Variants in NOP9 observed in about 807,000 individuals in gnomAD.
NOP9 encodes the protein NOP9 nucleolar protein.
Under a neutral mutation model 63.0 loss-of-function variants are expected in NOP9, and 50 were observed. That is an observed-to-expected ratio of 0.79 (90% confidence interval 0.63 to 1.00). The LOEUF (loss-of-function observed/expected upper bound fraction) is 1.00. Ranked by LOEUF, NOP9 falls within the 50% of genes least tolerant of loss-of-function variation. The pLI, the probability that NOP9 is intolerant of heterozygous loss-of-function variation, is 0.00. For synonymous variants in NOP9, 343 were observed against 332.8 expected (o/e 1.03, Z -0.33); for missense variants, 758 against 803.0 (o/e 0.94, Z 0.68).
At chr14:24,272,616 G>A in the NOP9 span, among the ~76,000 whole-genome samples, 1 of 152,146 alleles carries the variant, frequency 6.6e-6, no homozygotes, top group Non-Finnish European at 1.5e-5. Flanking sequence ...CAGATTTGAC[G>A]TCATATCTGT....
At chr14:24,296,365 G>A (rs924469242), upstream of NOP9, 4 of 778,544 alleles carry the variant, frequency 5.1e-6, no homozygotes, top group Admixed American at 6.9e-5. Context: ...CTTCTCCAGA[G>A]GTAAGTGGGA....
At chr14:24,293,967 C>T in the NOP9 span, 5 of 152,164 alleles carry the variant, frequency 3.3e-5, no homozygotes, top group South Asian at 4.1e-4. Context: ...CAATGTATTA[C>T]GAAAGGAACC....
At position 24,302,012 on chromosome 14, in the gene NOP9, C is replaced by CA. The variant is rs1234958325; in HGVS notation, c.857dup (p.Val287GlyfsTer63). On this transcript the variant is annotated frameshift_variant, in exon 4 of 10. Transcript: ENST00000267425. LOFTEE classifies it high-confidence loss of function. Reference sequence around the variant, plus strand: ...CAGCTTCTGTCTTCAAGTGGCTTTACAGGTTTTACACCGCAAACTTCCCCA... The same window carrying CA: ...CAGCTTCTGTCTTCAAGTGGCTTTACAAGGTTTTACACCGCAAACTTCCCCA... 1 of 1,613,994 alleles carries CA rather than the reference C, an allele frequency of 6.2e-7. No individual in the cohort carries two copies.
intron 5 of NOP9, 109 bp downstream of exon 5, chr14:24,302,533 C>A: frequency 9.3e-7 from 1 of 1,074,598 alleles, no homozygotes; most frequent in Non-Finnish European, 1.3e-6. Flanking sequence ...TGGCCATTGC[C>A]CTTGAAAAGC....
chr14:24,272,259 G>A, the NOP9 span, among the ~76,000 whole-genome samples: 1 of 152,300 alleles, frequency 6.6e-6, no homozygotes, highest in Non-Finnish European at 1.5e-5. Flanking sequence ...CAGATGTCTT[G>A]CAAGCTTAAA....
At chr14:24,283,319 GT>G in the NOP9 span, among the ~76,000 whole-genome samples, 1 of 152,078 alleles carries the variant, frequency 6.6e-6, no homozygotes, top group Non-Finnish European at 1.5e-5. Flanking sequence ...GCCAGGCATG[GT>G]GGCTCACGCT....
chr14:24,305,043 A>G lies in NOP9; in HGVS notation c.1859A>G (p.Gln620Arg). 6.2e-7 allele frequency: 1 copy of G among 1,604,292 alleles called. No homozygotes were observed. Among genetic ancestry groups the G allele is most frequent in the Non-Finnish European group, 8.5e-7 (1 of 1,175,678 alleles). Reference protein sequence around the residue: ...LKRREAWEQQQGAVAKRRRAL... With the variant: ...LKRREAWEQQRGAVAKRRRAL... ...CGGCGAGAGGCTTGGGAACAGCAGC[A>G]GGGTGCGGTGGCCAAGCGGAGGCGG... Residue 620 changes from glutamine to arginine, a missense_variant, in exon 10 of 10, where the codon CAG becomes CGG. Physicochemically the swap from Gln to Arg is conservative, Grantham distance 43 (BLOSUM62 1). Transcript: ENST00000267425.
the NOP9 span, among the ~76,000 whole-genome samples, chr14:24,277,976 G>T: frequency 2.6e-5 from 4 of 152,212 alleles, no homozygotes; most frequent in Non-Finnish European, 4.4e-5. Flanking sequence ...AGCGCTGGGT[G>T]CCTGCCACGT....
chr14:24,300,792 T>G lies in NOP9; in HGVS notation c.632T>G (p.Leu211Arg), dbSNP rs887585002. The G allele has an allele frequency of 6.2e-7, 1 of 1,614,194 alleles. No homozygotes were observed. Among genetic ancestry groups the G allele is most frequent in the Non-Finnish European group, 8.5e-7 (1 of 1,180,028 alleles). Reference sequence around the variant, plus strand: ...GGCAGCTTCGTGGTCAGAACTCTGCTTCAGGTGTTAGGAGGGACTATTCTG... The same window carrying G: ...GGCAGCTTCGTGGTCAGAACTCTGCGTCAGGTGTTAGGAGGGACTATTCTG... ...THGSFVVRTL[L>R]QVLGGTILES... Residue 211 changes from leucine (L) to arginine (R), a missense_variant, in exon 2 of 10, where the codon CTT becomes CGT. By Grantham distance (102) the Leu-to-Arg change is moderately radical. Coordinates refer to ENST00000267425, the MANE Select transcript of NOP9 (RefSeq NM_174913.3).
At chr14:24,299,007 C>T, upstream of NOP9, 2 of 1,614,066 alleles carry the variant, frequency 1.2e-6, no homozygotes, top group Non-Finnish European at 1.7e-6. Context: ...GTGATGTAAA[C>T]TGTGGCGCCT....
Position 24,300,502 on chromosome 14 carries a change from G to C in NOP9, c.342G>C (p.Leu114Phe). 6.2e-7 allele frequency: 1 copy of C among 1,614,206 alleles called. No homozygotes were observed. The highest frequency in any genetic ancestry group is 8.5e-7 in the Non-Finnish European group (1 of 1,180,022). The change falls in exon 2 of 10, where the codon TTG becomes TTC. Residue 114 changes from leucine (L) to phenylalanine (F), a missense_variant. By Grantham distance (22) the Leu-to-Phe change is conservative. Coordinates refer to ENST00000267425, the MANE Select transcript of NOP9 (RefSeq NM_174913.3). Reference protein sequence around the residue: ...RTGSEMLQELLGFSPLKPLCR... With the variant: ...RTGSEMLQELFGFSPLKPLCR... ...GCAGTGAGATGCTGCAGGAACTGTTGGGATTCAGTCCCTTGAAACCGCTTT... is the reference window on the plus strand; with the variant it reads ...GCAGTGAGATGCTGCAGGAACTGTTCGGATTCAGTCCCTTGAAACCGCTTT...
At chr14:24,291,236 A>C in the NOP9 span, 1 of 1,613,642 alleles carries the variant, frequency 6.2e-7, no homozygotes, top group Non-Finnish European at 8.5e-7. Context: ...GCACACAGAC[A>C]GGTGGAGATG....
rs751605474 is a variant in NOP9, at chr14:24,305,663, C to G, written c.*568C>G. On this transcript the variant is annotated 3_prime_UTR_variant, in exon 10 of 10. Transcript: ENST00000267425. ...AGGAATGGAGGCGGCCCTTCTGCTG[C>G]CACTGCTCAGCCCCCTCCACTGCAT... 4.3e-6 allele frequency: 7 copies of G among 1,613,950 alleles called. No homozygotes were observed. The highest frequency in any genetic ancestry group is 1.7e-5 in the Admixed American group (1 of 59,970).
At chr14:24,304,799 C>G in intron 9 of NOP9, 139 bp from the exon 10 acceptor site, 1 of 1,083,698 alleles carries the variant, frequency 9.2e-7, no homozygotes, top group Non-Finnish European at 1.3e-6. Flanking sequence ...TGCCCTCTGA[C>G]TTCTGTTCTT....
At chr14:24,301,828 G>C (rs910463055) in intron 3 of NOP9, 106 bp downstream of exon 3, 1 of 1,471,450 alleles carries the variant, frequency 6.8e-7, no homozygotes, top group South Asian at 1.1e-5. Flanking sequence ...TTCAAACCTG[G>C]TCTGGTTTGA....
rs1474600676 is a variant in NOP9 at position 24,305,440 on chromosome 14, C to T, written c.*345C>T. 3 of 676,938 alleles carry T rather than the reference C, an allele frequency of 4.4e-6. No individual in the cohort carries two copies. The highest frequency in any genetic ancestry group is 2.3e-5 in the South Asian group (1 of 42,730). 41.9% of individuals were successfully genotyped at this position (676,938 alleles called of 1,614,324 possible). On this transcript the variant is annotated 3_prime_UTR_variant, in exon 10 of 10. Coordinates refer to ENST00000267425, the MANE Select transcript of NOP9 (RefSeq NM_174913.3). ...AAGGTGGCTAGGAAAGAACAGCATT[C>T]TTCAGGTAAGGGTATAGACTTGGGA...
At chr14:24,278,814 A>T in the NOP9 span, among the ~76,000 whole-genome samples, 1 of 152,160 alleles carries the variant, frequency 6.6e-6, no homozygotes, top group African/African-American at 2.4e-5. Flanking sequence ...CCCTGTGAGG[A>T]GTGTGTGGCC....
In NOP9 at chr14:24,306,890, A is replaced by G. The variant is rs986361563; in HGVS notation, c.*1795A>G. On this transcript the variant is annotated 3_prime_UTR_variant, in exon 10 of 10. Coordinates refer to ENST00000267425, the MANE Select transcript of NOP9 (RefSeq NM_174913.3). ...TCAAGAGTTCTCCAGAAGTGTTTTC[A>G]GTAATAGTGTTTAACCTTTTTGAGT... The G allele has an allele frequency of 6.2e-6, 2 of 322,182 alleles. No homozygotes were observed. Among genetic ancestry groups the G allele is most frequent in the African/African-American group, 4.2e-5 (2 of 47,892 alleles). 20.0% of individuals were successfully genotyped at this position (322,182 alleles called of 1,614,324 possible).
At chr14:24,291,639 G>T in the NOP9 span, 1 of 1,613,336 alleles carries the variant, frequency 6.2e-7, no homozygotes, top group Non-Finnish European at 8.5e-7. Context: ...AAACACAGGG[G>T]CAGAGAAGTG....
Sources: gnomAD v4.1 joint callset for allele counts (sites outside exome capture counted in the v4.1 genomes callset) on GRCh38, gnomAD v4.1.1 for gene constraint, MANE v1.5 for transcripts, NCBI Gene and HGNC (gene_info 2026-07-23, HGNC 2026-07-21) for gene names.